The following HIVEP2 variants were observed in gnomAD, a reference collection of about 807,000 sequenced individuals.
HIVEP2 encodes the protein HIVEP zinc finger 2.
HIVEP2 carries 14 observed loss-of-function variants against 180.7 expected under a neutral mutation model. That is an observed-to-expected ratio of 0.08 (90% confidence interval 0.05 to 0.12). The LOEUF is 0.12. HIVEP2 is among the 10% of genes least tolerant of loss of function. The pLI, the probability that HIVEP2 is intolerant of heterozygous loss-of-function variation, is 1.00. For synonymous variants in HIVEP2, 1,184 were observed against 1,136.4 expected (o/e 1.04, Z -0.84); for missense variants, 2,579 against 3,008.5 (o/e 0.86, Z 3.34).
At chr6:142,885,379 A>G (rs993860096) in intron 1 of HIVEP2, among the ~76,000 whole-genome samples, 3 of 151,362 alleles carry the variant, frequency 2.0e-5, no homozygotes, top group African/African-American at 7.3e-5. Flanking sequence ...GGAGAATAAT[A>G]TCACTCTGCT....
Position 142,775,048 on chromosome 6 carries a change from A to T in HIVEP2, c.-310T>A, listed in dbSNP as rs746629118. The T allele has an allele frequency of 1.5e-5, 16 of 1,097,472 alleles. No individual in the cohort carries two copies. The highest frequency in any genetic ancestry group is 1.8e-5 in the Non-Finnish European group (16 of 900,636). 68.0% of individuals were successfully genotyped at this position (1,097,472 alleles called of 1,614,324 possible). A position where few individuals can be genotyped will look rare whatever the true frequency, so the allele number is the denominator to read the frequency against. On this transcript the variant is annotated 5_prime_UTR_variant, in exon 5 of 10. Coordinates refer to ENST00000367603, the MANE Select transcript of HIVEP2 (RefSeq NM_006734.4). ...AATTTTCAACTAGGATGAAATTGGG[A>T]TGATGAATAGTCTAGGAGAAATTTT...
At chr6:142,793,678 TCTCTCTCTCTCTCTCTCTCTGTCTG>T (rs1562521464) in intron 2 of HIVEP2, among the ~76,000 whole-genome samples, 1 of 142,602 alleles carries the variant, frequency 7.0e-6, no homozygotes, top group African/African-American at 2.6e-5. Flanking sequence ...TTTCTTTCTC[TCTCTCTCTCTCTCTCTCTCTGTCTG>T]TCTTTCTTTC....
chr6:142,898,109 T>C (rs915264446), intron 1 of HIVEP2, among the ~76,000 whole-genome samples: 3 of 152,184 alleles, frequency 2.0e-5, no homozygotes, highest in South Asian at 2.1e-4. Flanking sequence ...TCTCTGCCTA[T>C]AGACACTGCA....
chr6:142,892,619 A>G (rs1776887376), intron 1 of HIVEP2, among the ~76,000 whole-genome samples: 1 of 152,244 alleles, frequency 6.6e-6, no homozygotes, highest in Non-Finnish European at 1.5e-5. Context: ...TATAATAGAT[A>G]AACGAGAAGA....
chr6:142,916,178 C>T (rs1777545565), intron 1 of HIVEP2, among the ~76,000 whole-genome samples: 1 of 152,160 alleles, frequency 6.6e-6, no homozygotes, highest in African/African-American at 2.4e-5. Flanking sequence ...TCATCTACTC[C>T]CTGGTTTACT....
At chr6:142,784,973 T>C (rs1775949170) in intron 2 of HIVEP2, among the ~76,000 whole-genome samples, 1 of 152,088 alleles carries the variant, frequency 6.6e-6, no homozygotes, top group Non-Finnish European at 1.5e-5. Flanking sequence ...CTGCAAGCTC[T>C]GCCTCCCGGG....
At chr6:142,825,733 G>A (rs558591282) in intron 2 of HIVEP2, among the ~76,000 whole-genome samples, 17 of 152,132 alleles carry the variant, frequency 1.1e-4, no homozygotes, top group African/African-American at 2.6e-4. Flanking sequence ...AAATGCTATC[G>A]TGAGTTAAAA....
chr6:142,850,828 C>A (rs1775650096), intron 1 of HIVEP2, among the ~76,000 whole-genome samples: 1 of 152,210 alleles, frequency 6.6e-6, no homozygotes, highest in Non-Finnish European at 1.5e-5. Context: ...ATTCATCCTG[C>A]TCCATCTGGG....
intron 2 of HIVEP2, among the ~76,000 whole-genome samples, chr6:142,819,055 C>T (rs923520609): frequency 3.3e-4 from 2 of 6,076 alleles, no homozygotes; most frequent in Admixed American, 1.5e-3. Context: ...GGAGGGAGGG[C>T]GGGAAGGAGG....
intron 1 of HIVEP2, among the ~76,000 whole-genome samples, chr6:142,890,957 T>TA (rs1250203925): frequency 6.6e-6 from 1 of 152,202 alleles, no homozygotes; most frequent in Non-Finnish European, 1.5e-5. Context: ...GTGTAGTTTT[T>TA]ATCTGACATC....
chr6:142,788,101 C>G (rs903753847), intron 2 of HIVEP2: 9 of 151,870 alleles, frequency 5.9e-5, no homozygotes, highest in Non-Finnish European at 1.3e-4. Context: ...TGAAAACAAA[C>G]AAAAAAAGCA....
chr6:142,763,730 A>G (rs749354010), intron 7 of HIVEP2, among the ~76,000 whole-genome samples: 5 of 152,186 alleles, frequency 3.3e-5, no homozygotes, highest in Admixed American at 2.0e-4. Flanking sequence ...AAAAGGCTTG[A>G]TTGTGCAGAG....
At chr6:142,843,856 T>A (rs1307572089) in intron 1 of HIVEP2, among the ~76,000 whole-genome samples, 1 of 152,224 alleles carries the variant, frequency 6.6e-6, no homozygotes, top group South Asian at 2.1e-4. Context: ...TTTGTACATA[T>A]ATTTATGCAT....
At chr6:142,831,477 C>T (rs992984201) in intron 2 of HIVEP2, among the ~76,000 whole-genome samples, 6 of 152,214 alleles carry the variant, frequency 3.9e-5, no homozygotes, top group African/African-American at 9.6e-5. Flanking sequence ...GCTCTGAGTG[C>T]AGTGCTCTCC....
intron 2 of HIVEP2, among the ~76,000 whole-genome samples, chr6:142,831,215 G>T (rs978811004): frequency 4.6e-5 from 7 of 152,194 alleles, no homozygotes; most frequent in African/African-American, 1.7e-4. Flanking sequence ...GAGCTGAGGG[G>T]GATATGGGAG....
At chr6:142,878,613 T>A (rs1776504763) in intron 1 of HIVEP2, among the ~76,000 whole-genome samples, 1 of 152,168 alleles carries the variant, frequency 6.6e-6, no homozygotes, top group East Asian at 1.9e-4. Context: ...GCACTGAGGA[T>A]GACATCAGGG....
In HIVEP2 at chr6:142,759,933, G is replaced by C; in HGVS notation, c.6355C>G (p.Pro2119Ala). The change falls in exon 9 of 10, where the codon CCT becomes GCT. Residue 2119 changes from proline to alanine, a missense_variant. Physicochemically the swap from Pro to Ala is conservative, Grantham distance 27. Coordinates refer to ENST00000367603, the MANE Select transcript of HIVEP2 (RefSeq NM_006734.4). Reference sequence around the variant, plus strand: ...CTTCTTGCTGTGATATCTTTCCCAGGAGACACTGGCCTCCTTGGAGACAAA... The same window carrying C: ...CTTCTTGCTGTGATATCTTTCCCAGCAGACACTGGCCTCCTTGGAGACAAA... Reference protein sequence around the residue: ...RHLSPRRPVSPGKDITARRDL... With the variant: ...RHLSPRRPVSAGKDITARRDL... 6.2e-7 allele frequency: 1 copy of C among 1,614,042 alleles called. No homozygotes were observed. The highest frequency in any genetic ancestry group is 8.5e-7 in the Non-Finnish European group (1 of 1,179,986).
chr6:142,759,746 T>C (rs780594549), intron 9 of HIVEP2, 26 bp downstream of exon 9: 1 of 1,552,346 alleles, frequency 6.4e-7, no homozygotes, highest in Non-Finnish European at 8.7e-7. Flanking sequence ...ACTTATGTAT[T>C]AGAAAGAAAA....
chr6:142,935,041 A>C (rs778685176), intron 1 of HIVEP2, among the ~76,000 whole-genome samples: 1 of 152,206 alleles, frequency 6.6e-6, no homozygotes, highest in Non-Finnish European at 1.5e-5. Context: ...GAAGAATCAC[A>C]GTTCAGCTAT....
Sources: gnomAD v4.1 joint callset for allele counts (sites outside exome capture counted in the v4.1 genomes callset) on GRCh38, gnomAD v4.1.1 for gene constraint, MANE v1.5 for transcripts, NCBI Gene and HGNC (gene_info 2026-07-23, HGNC 2026-07-21) for gene names.